SAMD3: variants seen among roughly 807,000 people sequenced by gnomAD.
SAMD3 encodes sterile alpha motif domain-containing protein 3.
Under a neutral mutation model 58.5 loss-of-function variants are expected in SAMD3, and 63 were observed. The observed-to-expected ratio is 1.08, with a 90% CI of 0.88 to 1.33. The LOEUF (loss-of-function observed/expected upper bound fraction) is 1.33. Among genes scored for constraint, SAMD3 ranks in the 40% most tolerant of loss-of-function variants. SAMD3 has a pLI of 0.00. For synonymous variants in SAMD3, 220 were observed against 210.3 expected (o/e 1.05, Z -0.40); for missense variants, 604 against 608.4 (o/e 0.99, Z 0.08).
intron 7 of SAMD3, among the ~76,000 whole-genome samples, 167 bp downstream of exon 7, chr6:130,183,934 CAA>C (rs759174965): frequency 1.3e-5 from 2 of 151,286 alleles, no homozygotes; most frequent in African/African-American, 2.4e-5. Flanking sequence ...ATTAAAGAGA[CAA>C]AGAGTCAGAA....
At chr6:130,202,964 C>A (rs554050888) in intron 5 of SAMD3, among the ~76,000 whole-genome samples, 18 of 152,292 alleles carry the variant, frequency 1.2e-4, no homozygotes, top group Middle Eastern at 3.4e-3. Context: ...TTGAAACTTC[C>A]CTCTTCACCT....
intron 5 of SAMD3, among the ~76,000 whole-genome samples, chr6:130,196,389 C>A (rs1405791504): frequency 2.6e-5 from 4 of 152,190 alleles, no homozygotes; most frequent in Non-Finnish European, 5.9e-5. Flanking sequence ...TGGCCTCCCA[C>A]ATTATTCCTG....
chr6:130,209,636 T>C, intron 4 of SAMD3, 28 bp from the exon 5 acceptor site: 1 of 1,407,788 alleles, frequency 7.1e-7, no homozygotes, highest in Non-Finnish European at 1.0e-6. Flanking sequence ...GGTCAGGCAC[T>C]ATTCAAGAGG....
intron 7 of SAMD3, chr6:130,183,376 C>T (rs973461000): frequency 8.8e-6 from 4 of 453,866 alleles, no homozygotes; most frequent in Non-Finnish European, 1.3e-5. Flanking sequence ...GAACTGCTGC[C>T]CCAGAGCATC....
At chr6:130,330,811 G>A (rs928178155) in intron 1 of SAMD3, among the ~76,000 whole-genome samples, 1 of 152,110 alleles carries the variant, frequency 6.6e-6, no homozygotes, top group Non-Finnish European at 1.5e-5. Context: ...GGAAGAATTA[G>A]GAAAAGAAAC....
At chr6:130,301,277 T>C (rs949512631) in intron 2 of SAMD3, among the ~76,000 whole-genome samples, 84 of 152,172 alleles carry the variant, frequency 5.5e-4, no homozygotes, top group African/African-American at 2.0e-3. Flanking sequence ...AGCATTTCTA[T>C]ACATCCAGGA....
intron 2 of SAMD3, among the ~76,000 whole-genome samples, chr6:130,265,237 T>C (rs1774298880): frequency 6.6e-6 from 1 of 152,138 alleles, no homozygotes; most frequent in Non-Finnish European, 1.5e-5. Flanking sequence ...GTAGAGGTAT[T>C]GGACTCAGTT....
intron 1 of SAMD3, among the ~76,000 whole-genome samples, chr6:130,340,636 G>A (rs545783578): frequency 1.1e-4 from 16 of 152,216 alleles, no homozygotes; most frequent in African/African-American, 3.6e-4. Flanking sequence ...AAAATTAGAA[G>A]GGTTAAAGTA....
chr6:130,365,755 G>A (rs1392834585), upstream of SAMD3: 6 of 985,564 alleles, frequency 6.1e-6, no homozygotes, highest in East Asian at 5.7e-4. Flanking sequence ...TTTTGTCTGC[G>A]GGTGATTTGG....
At chr6:130,238,105 A>C (rs1249534730) in intron 2 of SAMD3, among the ~76,000 whole-genome samples, 2 of 152,208 alleles carry the variant, frequency 1.3e-5, no homozygotes, top group Non-Finnish European at 2.9e-5. Flanking sequence ...TTTGTTTTAT[A>C]GTTCAAAGTA....
intron 1 of SAMD3, among the ~76,000 whole-genome samples, chr6:130,356,190 G>A (rs1389332977): frequency 6.6e-6 from 1 of 152,056 alleles, no homozygotes; most frequent in African/African-American, 2.4e-5. Flanking sequence ...TGGATGACCA[G>A]GTCTCTGACT....
chr6:130,342,539 A>T (rs1290173918), intron 1 of SAMD3, among the ~76,000 whole-genome samples: 3 of 152,184 alleles, frequency 2.0e-5, no homozygotes, highest in Non-Finnish European at 4.4e-5. Context: ...ACTACAGTGT[A>T]TTCTTATTTT....
chr6:130,315,065 TTCAAGCTAATG>T (rs1270134626), intron 1 of SAMD3, among the ~76,000 whole-genome samples: 5 of 152,198 alleles, frequency 3.3e-5, no homozygotes, highest in African/African-American at 9.6e-5. Context: ...TGCTTTTGCT[TTCAAGCTAATG>T]AGCATTGAGA....
At chr6:130,179,622 TTAAAG>T (rs1388966313) in intron 7 of SAMD3, among the ~76,000 whole-genome samples, 1 of 144,464 alleles carries the variant, frequency 6.9e-6, no homozygotes, top group Non-Finnish European at 1.5e-5. Flanking sequence ...AAAAAAAAAA[TTAAAG>T]AGACATAATA....
chr6:130,166,414 G>A (rs1790742401), intron 8 of SAMD3, among the ~76,000 whole-genome samples: 4 of 152,184 alleles, frequency 2.6e-5, no homozygotes, highest in Admixed American at 1.3e-4. Context: ...AGATCTCCAC[G>A]TAATGAACCA....
chr6:130,294,499 C>G (rs1041028787), intron 2 of SAMD3, among the ~76,000 whole-genome samples: 1 of 152,062 alleles, frequency 6.6e-6, no homozygotes, highest in Non-Finnish European at 1.5e-5. Flanking sequence ...GATTAAGAAC[C>G]AAGGTAAAAC....
chr6:130,184,184 G>A lies in SAMD3; in HGVS notation c.573C>T (p.Tyr191=). ...DMTKYLEGSL[Y]PSTQQYNDVV... is the part of the protein sequence containing the mutation. Reference sequence around the variant, plus strand: ...CGTCATTGTACTGCTGGGTGCTGGGGTACCTGTTCACCAAAACAAGGAGGA... The same window carrying A: ...CGTCATTGTACTGCTGGGTGCTGGGATACCTGTTCACCAAAACAAGGAGGA... The change falls in exon 7 of 12, where the codon TAC becomes TAT. Residue 191 remains tyrosine, a synonymous_variant. Coordinates refer to ENST00000439090, the MANE Select transcript of SAMD3 (RefSeq NM_001017373.4). The A allele has an allele frequency of 1.2e-6, 2 of 1,604,228 alleles. No individual in the cohort carries two copies. The highest frequency in any genetic ancestry group is 1.7e-6 in the Non-Finnish European group (2 of 1,173,810).
intron 2 of SAMD3, among the ~76,000 whole-genome samples, chr6:130,284,294 G>T (rs576576963): frequency 5.3e-5 from 8 of 152,260 alleles, no homozygotes; most frequent in African/African-American, 1.9e-4. Flanking sequence ...TAGAATTATT[G>T]ATTTCAATTT....
chr6:130,364,229 T>G (rs1778065866), intron 1 of SAMD3, among the ~76,000 whole-genome samples: 1 of 152,218 alleles, frequency 6.6e-6, no homozygotes, highest in Non-Finnish European at 1.5e-5. Context: ...GAAGCATCAA[T>G]ATCTGTGGCC....
Sources: gnomAD v4.1 joint callset for allele counts (sites outside exome capture counted in the v4.1 genomes callset) on GRCh38, gnomAD v4.1.1 for gene constraint, MANE v1.5 for transcripts, NCBI Gene and HGNC (gene_info 2026-07-23, HGNC 2026-07-21) for gene names.